The following RAB2A variants were observed in gnomAD, a reference collection of about 807,000 sequenced individuals.
RAB2A encodes ras-related protein Rab-2A.
In RAB2A, 7 loss-of-function variants were observed where a neutral mutation model predicts 32.5. That is an observed-to-expected ratio of 0.22 (90% CI 0.12 to 0.40). The LOEUF is 0.40. Among genes scored for constraint, RAB2A ranks in the 10% least tolerant of loss-of-function variants. The pLI is 1.00. For missense variants in RAB2A, 108 were observed against 260.7 expected (o/e 0.41, Z 4.03); for synonymous variants, 79 against 85.2 (o/e 0.93, Z 0.40).
rs749896471 is a variant in RAB2A, at chr8:60,575,760, C to T, written c.186+3647C>T. On this transcript the variant is annotated intron_variant, in intron 3 of 7. Transcript: ENST00000262646. ...GCAACCTCCGCCTCCCGGGTTCAAG[C>T]GATTCTCTTGCCTCAGCCTCCCAAG... 4.3e-4 allele frequency among the ~76,000 whole-genome samples: 65 copies of T among 149,572 alleles called. 1 individual carries two copies. The highest frequency in any genetic ancestry group is 7.7e-4 in the Non-Finnish European group (52 of 67,756).
At chr8:60,615,108 C>CT (rs138697046) in intron 6 of RAB2A, among the ~76,000 whole-genome samples, 1 of 152,268 alleles carries the variant, frequency 6.6e-6, no homozygotes, top group East Asian at 1.9e-4. Flanking sequence ...TTAGTTTTGC[C>CT]TACTGCTTGT....
chr8:60,614,535 C>T (rs1038368266), intron 6 of RAB2A, among the ~76,000 whole-genome samples: 2 of 152,028 alleles, frequency 1.3e-5, no homozygotes, highest in Non-Finnish European at 2.9e-5. Context: ...ATTACAGGTG[C>T]GAGCCTGGCC....
intron 1 of RAB2A, among the ~76,000 whole-genome samples, chr8:60,518,883 CTG>C (rs1453810889): frequency 3.2e-4 from 49 of 152,246 alleles, no homozygotes; most frequent in African/African-American, 1.1e-3. Context: ...AAGCTTGTGA[CTG>C]TGGCATTTGG....
chr8:60,556,006 A>G (rs1266957682), intron 1 of RAB2A, among the ~76,000 whole-genome samples: 3 of 152,222 alleles, frequency 2.0e-5, no homozygotes, highest in South Asian at 4.1e-4. Context: ...GTAAATATAC[A>G]CAATGGAATA....
intron 6 of RAB2A, among the ~76,000 whole-genome samples, chr8:60,607,975 A>G (rs964042161): frequency 6.6e-6 from 1 of 152,162 alleles, no homozygotes; most frequent in African/African-American, 2.4e-5. Context: ...TCTGGCTTCT[A>G]TTAAGAGCTG....
At chr8:60,578,272 A>C (rs1803675801) in intron 3 of RAB2A, among the ~76,000 whole-genome samples, 1 of 152,254 alleles carries the variant, frequency 6.6e-6, no homozygotes, top group African/African-American at 2.4e-5. Flanking sequence ...AAAAAAGATA[A>C]GCATTTGAGT....
chr8:60,584,085 TAA>T (rs1192805465), intron 3 of RAB2A, 121 bp from the exon 4 acceptor site: 1 of 779,360 alleles, frequency 1.3e-6, no homozygotes, highest in Non-Finnish European at 2.1e-6. Context: ...CTGGTGAAGT[TAA>T]GTTTTCTTGT....
intron 1 of RAB2A, among the ~76,000 whole-genome samples, chr8:60,519,836 C>T (rs1417916480): frequency 6.6e-6 from 1 of 151,870 alleles, no homozygotes; most frequent in Non-Finnish European, 1.5e-5. Flanking sequence ...GAAGTGGTGT[C>T]GTTGTTGTTG....
At chr8:60,586,805 T>C (rs1304474444) in intron 5 of RAB2A, among the ~76,000 whole-genome samples, 1 of 152,022 alleles carries the variant, frequency 6.6e-6, no homozygotes, top group African/African-American at 2.4e-5. Context: ...GGCACACGCC[T>C]TTAGCTCTAC....
At chr8:60,603,452 A>G (rs575903644) in intron 6 of RAB2A, among the ~76,000 whole-genome samples, 5 of 152,352 alleles carry the variant, frequency 3.3e-5, no homozygotes, top group South Asian at 2.1e-4. Context: ...TAAGTTTACT[A>G]TTAGTCTATA....
intron 1 of RAB2A, among the ~76,000 whole-genome samples, chr8:60,553,260 C>T (rs548328959): frequency 5.9e-5 from 9 of 152,298 alleles, no homozygotes; most frequent in African/African-American, 2.2e-4. Context: ...ATCCTCAGGA[C>T]AGGCTGTAAC....
intron 6 of RAB2A, among the ~76,000 whole-genome samples, chr8:60,610,289 C>T (rs1197175195): frequency 6.6e-6 from 1 of 152,096 alleles, no homozygotes; most frequent in Non-Finnish European, 1.5e-5. Flanking sequence ...AGAGAGAACA[C>T]ATGACTTACT....
rs1405448799 is a variant in RAB2A at position 60,549,184 on chromosome 8, C to T, written c.47-9668C>T. 6.4e-4 allele frequency among the ~76,000 whole-genome samples: 97 copies of T among 152,078 alleles called. 1 individual carries two copies. Among genetic ancestry groups the T allele is most frequent in the Non-Finnish European group, 1.2e-3 (83 of 67,954 alleles). On this transcript the variant is annotated intron_variant, in intron 1 of 7. Coordinates refer to ENST00000262646, the MANE Select transcript of RAB2A (RefSeq NM_002865.3). ...GGCAGCCAGGCAGAGGGGCTCCTCA[C>T]ATCCCAGACGATGGGCGGCCAGGCG...
chr8:60,598,702 G>A (rs944714517), intron 6 of RAB2A, among the ~76,000 whole-genome samples: 6 of 151,700 alleles, frequency 4.0e-5, no homozygotes, highest in African/African-American at 9.7e-5. Context: ...AAAACCATTT[G>A]ACAGAATTCA....
At chr8:60,612,809 T>G (rs1295022230) in intron 6 of RAB2A, among the ~76,000 whole-genome samples, 2 of 152,192 alleles carry the variant, frequency 1.3e-5, no homozygotes, top group Non-Finnish European at 2.9e-5. Flanking sequence ...CAGCTCTACT[T>G]TGGAACTGGT....
chr8:60,548,811 C>T (rs1254919930), intron 1 of RAB2A, among the ~76,000 whole-genome samples: 16 of 146,514 alleles, frequency 1.1e-4, no homozygotes, highest in East Asian at 2.1e-4. Flanking sequence ...GCTGGCCGGG[C>T]GGGGGGCTGA....
At chr8:60,562,697 G>C (rs1808042337) in intron 2 of RAB2A, among the ~76,000 whole-genome samples, 1 of 152,094 alleles carries the variant, frequency 6.6e-6, no homozygotes, top group Admixed American at 6.5e-5. Context: ...AAACTGTTCT[G>C]AGCATACTGA....
chr8:60,597,143 G>A (rs1278886315), intron 6 of RAB2A, among the ~76,000 whole-genome samples: 1 of 152,110 alleles, frequency 6.6e-6, no homozygotes, highest in Non-Finnish European at 1.5e-5. Context: ...ACATGCACAG[G>A]TATGTTTATT....
chr8:60,603,735 A>G (rs751783143), intron 6 of RAB2A, among the ~76,000 whole-genome samples: 1 of 152,176 alleles, frequency 6.6e-6, no homozygotes, highest in Non-Finnish European at 1.5e-5. Flanking sequence ...ATTATTAAAA[A>G]TGAGTGCAAA....
Sources: gnomAD v4.1 joint callset for allele counts (sites outside exome capture counted in the v4.1 genomes callset) on GRCh38, gnomAD v4.1.1 for gene constraint, MANE v1.5 for transcripts, NCBI Gene and HGNC (gene_info 2026-07-23, HGNC 2026-07-21) for gene names.